The following RIMS2 variants were observed in gnomAD, a reference collection of about 807,000 sequenced individuals.
The protein encoded by RIMS2 is regulating synaptic membrane exocytosis 2, also known as regulating synaptic membrane exocytosis protein 2.
A neutral mutation model predicts 174.4 loss-of-function variants in RIMS2; 59 were observed. That is an observed-to-expected ratio of 0.34 (90% CI 0.27 to 0.42). The LOEUF is 0.42. Among genes scored for constraint, RIMS2 ranks in the 10% least tolerant of loss-of-function variants. RIMS2 has a pLI of 1.00. For synonymous variants in RIMS2, 606 were observed against 572.5 expected, an observed-to-expected ratio of 1.06 and a Z score of -0.84; for missense variants, 1,620 against 1,666.3, an observed-to-expected ratio of 0.97 and a Z score of 0.48.
chr8:103,500,984 CGGA>C (rs763307410), exon 1 of RIMS2: 35 of 1,610,786 alleles, frequency 2.2e-5, no homozygotes, highest in Non-Finnish European at 2.6e-5. Context: ...AGCCACCTCA[CGGA>C]GGAGGAGAGG....
intron 19 of RIMS2, among the ~76,000 whole-genome samples, chr8:104,200,534 T>C (rs2099049361): frequency 6.6e-6 from 1 of 152,076 alleles, no homozygotes; most frequent in African/African-American, 2.4e-5. Flanking sequence ...GGATTGGAAA[T>C]TGAAAAGAAA....
At chr8:103,794,403 C>T (rs1397460557) in intron 3 of RIMS2, among the ~76,000 whole-genome samples, 1 of 152,068 alleles carries the variant, frequency 6.6e-6, no homozygotes, top group Non-Finnish European at 1.5e-5. Flanking sequence ...AAACTGGATC[C>T]CTTCCTTACA....
chr8:103,560,110 A>G (rs2091340321), intron 1 of RIMS2, among the ~76,000 whole-genome samples: 1 of 152,204 alleles, frequency 6.6e-6, no homozygotes, highest in Non-Finnish European at 1.5e-5. Flanking sequence ...TTACGGTGTA[A>G]ACAAAATAGT....
chr8:104,196,378 C>T (rs1025689173), intron 19 of RIMS2, among the ~76,000 whole-genome samples: 69 of 152,168 alleles, frequency 4.5e-4, no homozygotes, highest in African/African-American at 1.6e-3. Flanking sequence ...AATGTCTTTC[C>T]TATGTTTAGC....
Position 104,218,811 on chromosome 8 carries a change from C to T in RIMS2, c.3335-26105C>T, listed in dbSNP as rs116415440. Among the ~76,000 whole-genome samples the T allele has an allele frequency of 2.7e-3, 410 of 152,250 alleles. 3 individuals carry two copies. The highest frequency in any genetic ancestry group is 9.5e-3 in the African/African-American group (396 of 41,546). On this transcript the variant is annotated intron_variant, in intron 19 of 23. Transcript: ENST00000504942. ...ACAGATGAAGCTTTGCTCACTCACC[C>T]GCCACTGCTCACCTCCTACTGTGTG...
intron 1 of RIMS2, among the ~76,000 whole-genome samples, chr8:103,553,312 T>G (rs1236809070): frequency 3.3e-5 from 5 of 152,162 alleles, no homozygotes; most frequent in Non-Finnish European, 7.3e-5. Flanking sequence ...TGGATGAAGC[T>G]GGAAACCATC....
At chr8:103,630,588 A>G (rs1323893887) in intron 1 of RIMS2, among the ~76,000 whole-genome samples, 1 of 150,638 alleles carries the variant, frequency 6.6e-6, no homozygotes, top group Non-Finnish European at 1.5e-5. Context: ...CTCAAAAAAA[A>G]AAAAAAAAAA....
Position 103,713,798 on chromosome 8 carries a change from C to T in RIMS2, c.387+16502C>T, listed in dbSNP as rs192037587. ...TTTCTAATGGCATAAAGAGTCACCG[C>T]TCTCTGATTTATTCCTTGCCTAACT... On this transcript the variant is annotated intron_variant, in intron 2 of 23. Transcript: ENST00000504942. 3.3e-5 allele frequency among the ~76,000 whole-genome samples: 5 copies of T among 152,314 alleles called. No homozygotes were observed. The East Asian group carries it at 5.8e-4, about 18-fold the overall frequency.
chr8:103,841,950 G>A (rs778465266), intron 3 of RIMS2, among the ~76,000 whole-genome samples: 3 of 149,806 alleles, frequency 2.0e-5, no homozygotes, highest in Admixed American at 6.7e-5. Context: ...GCGAGACTCC[G>A]TCTCAAAAAG....
intron 1 of RIMS2, among the ~76,000 whole-genome samples, chr8:103,502,422 G>A (rs942352724): frequency 3.9e-5 from 6 of 152,062 alleles, no homozygotes; most frequent in African/African-American, 1.4e-4. Flanking sequence ...AAAATATTGA[G>A]TGGCTAAAAG....
intron 15 of RIMS2, among the ~76,000 whole-genome samples, chr8:103,965,087 G>A (rs2091442663): frequency 6.6e-6 from 1 of 152,106 alleles, no homozygotes; most frequent in Admixed American, 6.6e-5. Flanking sequence ...TGAAAAGTCA[G>A]GGTCAATTCT....
At chr8:103,647,226 G>A (rs982829669) in intron 1 of RIMS2, among the ~76,000 whole-genome samples, 20 of 152,170 alleles carry the variant, frequency 1.3e-4, no homozygotes, top group African/African-American at 3.4e-4. Context: ...TGCTGGATTC[G>A]GTTTGCCAGT....
At chr8:104,013,499 G>C in exon 18 of RIMS2, 1 of 1,613,782 alleles carries the variant, frequency 6.2e-7, no homozygotes, top group Non-Finnish European at 8.5e-7. Flanking sequence ...CAGAACAACG[G>C]CCTCTCCTTG....
intron 4 of RIMS2, among the ~76,000 whole-genome samples, 164 bp downstream of exon 7, chr8:103,886,387 A>G (rs1463488835): frequency 2.0e-5 from 3 of 151,950 alleles, no homozygotes; most frequent in Non-Finnish European, 2.9e-5. Flanking sequence ...TATAAAAAGT[A>G]TCTTCTGTTG....
At chr8:103,910,509 G>C (rs1446836204) in intron 5 of RIMS2, 14 of 1,594,362 alleles carry the variant, frequency 8.8e-6, no homozygotes, top group Non-Finnish European at 1.1e-5. Flanking sequence ...CCTTAACGAG[G>C]AGCATAGCCA....
At chr8:104,025,085 G>A (rs2096218910) in intron 19 of RIMS2, among the ~76,000 whole-genome samples, 2 of 152,130 alleles carry the variant, frequency 1.3e-5, no homozygotes, top group Non-Finnish European at 2.9e-5. Context: ...TGTCTTGGAA[G>A]GGTTATAATG....
chr8:104,167,156 A>G (rs2098803161), intron 19 of RIMS2, among the ~76,000 whole-genome samples: 1 of 152,218 alleles, frequency 6.6e-6, no homozygotes, highest in South Asian at 2.1e-4. Flanking sequence ...TTGCTGGATC[A>G]AATGGTAATT....
chr8:103,544,269 G>T (rs1255879288), intron 1 of RIMS2, among the ~76,000 whole-genome samples: 1 of 152,220 alleles, frequency 6.6e-6, no homozygotes, highest in Non-Finnish European at 1.5e-5. Context: ...GCTGCTGGTA[G>T]CCAGGTGGGC....
intron 2 of RIMS2, among the ~76,000 whole-genome samples, chr8:103,725,659 A>G (rs28523790): frequency 0.05 from 7,671 of 152,288 alleles, 274 homozygotes; most frequent in Non-Finnish European, 0.075. Context: ...GTTGTTGGCT[A>G]TAATAAAGCC....
Sources: gnomAD v4.1 joint callset for allele counts (sites outside exome capture counted in the v4.1 genomes callset) on GRCh38, gnomAD v4.1.1 for gene constraint, MANE v1.5 for transcripts, NCBI Gene and HGNC (gene_info 2026-07-23, HGNC 2026-07-21) for gene names.